The following TOX variants were observed in gnomAD, a reference collection of about 807,000 sequenced individuals.
TOX encodes thymocyte selection-associated high mobility group box protein TOX.
In TOX, 11 loss-of-function variants were observed where a neutral mutation model predicts 53.7. That is an observed-to-expected ratio of 0.20 (90% CI 0.13 to 0.34). The LOEUF (loss-of-function observed/expected upper bound fraction) is 0.34. TOX is among the 10% of genes least tolerant of loss of function. TOX has a pLI of 1.00. For missense variants in TOX, 570 were observed against 664.6 expected, an observed-to-expected ratio of 0.86 and a Z score of 1.56; for synonymous variants, 225 against 245.3, an observed-to-expected ratio of 0.92 and a Z score of 0.77.
intron 3 of TOX, among the ~76,000 whole-genome samples, chr8:58,912,609 C>G (rs1811926831): frequency 6.6e-6 from 1 of 152,198 alleles, no homozygotes; most frequent in South Asian, 2.1e-4. Flanking sequence ...TGGGATAGGA[C>G]CTAAGAATTT....
At chr8:58,990,713 G>A (rs1209206194) in intron 1 of TOX, among the ~76,000 whole-genome samples, 3 of 152,158 alleles carry the variant, frequency 2.0e-5, no homozygotes, top group African/African-American at 7.2e-5. Flanking sequence ...GCATGCATGT[G>A]CAACCCATTG....
intron 3 of TOX, among the ~76,000 whole-genome samples, chr8:58,900,546 T>G (rs541115330): frequency 1.9e-3 from 289 of 152,306 alleles, no homozygotes; most frequent in Middle Eastern, 3.4e-3. Flanking sequence ...TTAGTTTCTA[T>G]GAACCTACAC....
At chr8:59,080,758 CATGTG>C (rs894578401) in intron 1 of TOX, among the ~76,000 whole-genome samples, 2 of 152,084 alleles carry the variant, frequency 1.3e-5, no homozygotes, top group Admixed American at 1.3e-4. Context: ...CTGTTTTCAA[CATGTG>C]ATGTGCCTGC....
intron 2 of TOX, among the ~76,000 whole-genome samples, chr8:58,942,743 G>A (rs1428621239): frequency 1.3e-5 from 2 of 152,142 alleles, no homozygotes; most frequent in African/African-American, 4.8e-5. Context: ...TAGACAATTT[G>A]CAGTTTTGGG....
rs145391475 is a variant in TOX at position 58,902,645 on chromosome 8, T to C, written c.411+36657A>G. ...TGGAAAAATGAGTTAGTTGATCATG[T>C]CATTTTGCCAAAAATGGGATATAAA... On this transcript the variant is annotated intron_variant, in intron 3 of 8. Transcript: ENST00000361421. 1.2e-4 allele frequency among the ~76,000 whole-genome samples: 19 copies of C among 152,344 alleles called. 1 individual carries two copies. In the East Asian group the frequency reaches 3.5e-3, roughly 28 times the overall value.
At chr8:59,084,154 T>C (rs189806534) in intron 1 of TOX, among the ~76,000 whole-genome samples, 2 of 152,240 alleles carry the variant, frequency 1.3e-5, no homozygotes, top group Non-Finnish European at 2.9e-5. Flanking sequence ...ATTCACTGGG[T>C]TTATAAAAAG....
chr8:58,925,764 T>C (rs987797848), intron 3 of TOX, among the ~76,000 whole-genome samples: 4 of 152,206 alleles, frequency 2.6e-5, no homozygotes, highest in African/African-American at 9.6e-5. Context: ...CCCCTGGTTT[T>C]TAAACACATC....
intron 3 of TOX, among the ~76,000 whole-genome samples, chr8:58,871,335 A>G (rs1363912816): frequency 6.6e-6 from 1 of 152,180 alleles, no homozygotes; most frequent in Non-Finnish European, 1.5e-5. Flanking sequence ...TAGTGCATAT[A>G]GGAAAGTAGG....
chr8:58,812,943 C>T (rs1226640682), intron 7 of TOX, among the ~76,000 whole-genome samples: 2 of 152,188 alleles, frequency 1.3e-5, no homozygotes, highest in African/African-American at 2.4e-5. Flanking sequence ...ATTTTGACTA[C>T]TTACCATGAT....
chr8:58,929,604 C>T (rs1812226300), intron 3 of TOX, among the ~76,000 whole-genome samples: 1 of 152,024 alleles, frequency 6.6e-6, no homozygotes, highest in Non-Finnish European at 1.5e-5. Flanking sequence ...ATGAGACTGG[C>T]TCATTGTTCT....
intron 1 of TOX, among the ~76,000 whole-genome samples, chr8:59,085,657 G>T (rs1426717965): frequency 6.6e-6 from 1 of 152,186 alleles, no homozygotes; most frequent in African/African-American, 2.4e-5. Flanking sequence ...CATTGTTCTG[G>T]CATTACAGGC....
At chr8:59,014,610 C>T (rs1779265096) in intron 1 of TOX, among the ~76,000 whole-genome samples, 1 of 152,204 alleles carries the variant, frequency 6.6e-6, no homozygotes, top group African/African-American at 2.4e-5. Flanking sequence ...GAGGAAAATG[C>T]TGACGACCTG....
intron 6 of TOX, among the ~76,000 whole-genome samples, chr8:58,819,538 G>A (rs1232729844): frequency 1.3e-5 from 2 of 152,196 alleles, no homozygotes; most frequent in Non-Finnish European, 2.9e-5. Flanking sequence ...GACATTTTGA[G>A]TATTATCTGT....
intron 1 of TOX, among the ~76,000 whole-genome samples, chr8:58,998,964 C>T (rs1813638318): frequency 6.6e-6 from 1 of 152,096 alleles, no homozygotes; most frequent in African/African-American, 2.4e-5. Context: ...TCTGTTACTT[C>T]CTAGAACTAC....
intron 1 of TOX, among the ~76,000 whole-genome samples, chr8:59,076,630 A>G (rs939848677): frequency 1.3e-5 from 2 of 152,276 alleles, no homozygotes; most frequent in East Asian, 1.9e-4. Context: ...CTGATTTTTT[A>G]TGTTGCTAAT....
intron 6 of TOX, among the ~76,000 whole-genome samples, 176 bp downstream of exon 6, chr8:58,826,646 T>A (rs187110325): frequency 1.6e-4 from 25 of 152,310 alleles, no homozygotes; most frequent in Admixed American, 1.5e-3. Flanking sequence ...TGCTCTGGTC[T>A]TTTGGAGCTG....
At chr8:59,002,405 A>G (rs1813707410) in intron 1 of TOX, among the ~76,000 whole-genome samples, 1 of 151,334 alleles carries the variant, frequency 6.6e-6, no homozygotes. Flanking sequence ...ATCCTGGCTA[A>G]CACGGTGAAA....
chr8:59,025,975 C>T (rs1282225039), intron 1 of TOX, among the ~76,000 whole-genome samples: 1 of 152,142 alleles, frequency 6.6e-6, no homozygotes, highest in Non-Finnish European at 1.5e-5. Context: ...GTAAGCAATG[C>T]ACCACGTGAG....
intron 1 of TOX, among the ~76,000 whole-genome samples, chr8:59,088,211 T>C (rs536127012): frequency 1.3e-5 from 2 of 152,320 alleles, no homozygotes; most frequent in South Asian, 2.1e-4. Flanking sequence ...AGGTGATGAT[T>C]AGCAGTGTAA....
Sources: gnomAD v4.1 joint callset for allele counts (sites outside exome capture counted in the v4.1 genomes callset) on GRCh38, gnomAD v4.1.1 for gene constraint, MANE v1.5 for transcripts, NCBI Gene and HGNC (gene_info 2026-07-23, HGNC 2026-07-21) for gene names.